The following TGFBI variants were observed in gnomAD, a reference collection of about 807,000 sequenced individuals.
TGFBI encodes transforming growth factor beta induced.
TGFBI carries 50 observed loss-of-function variants against 73.7 expected under a neutral mutation model. The observed-to-expected ratio is 0.68, with a 90% confidence interval of 0.54 to 0.86. The LOEUF (loss-of-function observed/expected upper bound fraction) is 0.86, where lower values mean the gene tolerates loss of function less well. Ranked by LOEUF, TGFBI falls within the 40% of genes least tolerant of loss-of-function variation. The pLI is 0.00. For synonymous variants in TGFBI, 362 were observed against 360.5 expected (o/e 1.00, Z -0.05); for missense variants, 839 against 877.0 (o/e 0.96, Z 0.55).
At chr5:136,041,548 G>T (rs1751339938) in intron 2 of TGFBI, among the ~76,000 whole-genome samples, 1 of 152,182 alleles carries the variant, frequency 6.6e-6, no homozygotes, top group Non-Finnish European at 1.5e-5. Context: ...ATGGAAAAAG[G>T]ATTGGACTTG....
rs1384262572 is a variant in TGFBI at position 136,047,025 on chromosome 5, C to A, written c.624+10C>A. The stretch of plus-strand genomic sequence containing the variant: ...CCACTATCCTAATGGGGTAGGGGAT[C>A]CCCAGCCATACTGCATGGCCCTTGG... On this transcript the variant is annotated intron_variant, in intron 5 of 16. Transcript: ENST00000442011. 3 of 1,610,138 alleles carry A rather than the reference C, an allele frequency of 1.9e-6. No individual in the cohort carries two copies. The highest frequency in any genetic ancestry group is 3.3e-5 in the Admixed American group (2 of 59,940).
In TGFBI at chr5:136,054,904, C is replaced by T. The variant is rs551102053; in HGVS notation, c.1410+43C>T. 70 of 1,599,424 alleles carry T rather than the reference C, an allele frequency of 4.4e-5. No individual in the cohort carries two copies. In the South Asian group the frequency reaches 7.2e-4, roughly 16 times the overall value. On this transcript the variant is annotated intron_variant, in intron 10 of 16. Transcript: ENST00000442011. ...AATCATGCTCCTGGGAAGCTCCTTACTGTGGGACTTGTATTAGTGTAAAAA... is the reference window on the plus strand; with the variant it reads ...AATCATGCTCCTGGGAAGCTCCTTATTGTGGGACTTGTATTAGTGTAAAAA...
At chr5:136,043,786 T>G (rs895239800) in intron 2 of TGFBI, among the ~76,000 whole-genome samples, 1 of 152,236 alleles carries the variant, frequency 6.6e-6, no homozygotes, top group Admixed American at 6.5e-5. Flanking sequence ...AGTCACAACA[T>G]TGACTAGGCT....
At chr5:136,043,412 G>T (rs1476630537) in intron 2 of TGFBI, among the ~76,000 whole-genome samples, 1 of 152,180 alleles carries the variant, frequency 6.6e-6, no homozygotes, top group Non-Finnish European at 1.5e-5. Context: ...AAAATAAAAA[G>T]TAAGTATCTT....
In TGFBI at chr5:136,028,998, T is replaced by C. The variant is rs1279522134; in HGVS notation, c.-58T>C. On this transcript the variant is annotated 5_prime_UTR_variant, in exon 1 of 17. Coordinates refer to ENST00000442011, the MANE Select transcript of TGFBI (RefSeq NM_000358.3). ...GGCGGCGGAGGCGCTCTCACTTCCC[T>C]GGAGCCGCCCGCTTGCCCGTCGGTC... 1 of 1,503,666 alleles carries C rather than the reference T, an allele frequency of 6.7e-7. No individual in the cohort carries two copies. Among genetic ancestry groups the C allele is most frequent in the Non-Finnish European group, 8.8e-7 (1 of 1,133,182 alleles). The allele number at this position is 1,503,666 out of a possible 1,614,324, so 93.1% of individuals were successfully genotyped here.
rs1751616695 is a variant in TGFBI, at chr5:136,055,697, C to G, written c.1428C>G (p.Asn476Lys). ...FVYRNSLCIE[N>K]SCIAAHDKRG... ...CTGTGCAGAGCCTCTGCATTGAGAA[C>G]AGCTGCATCGCGGCCCACGACAAGA... The change falls in exon 11 of 17, where the codon AAC becomes AAG. Residue 476 changes from asparagine (N) to lysine (K), a missense_variant. By Grantham distance (94) the Asn-to-Lys change is moderately conservative. Coordinates refer to ENST00000442011, the MANE Select transcript of TGFBI (RefSeq NM_000358.3). 5.0e-6 allele frequency: 8 copies of G among 1,608,052 alleles called. No homozygotes were observed. The highest frequency in any genetic ancestry group is 6.8e-6 in the Non-Finnish European group (8 of 1,175,392).
At chr5:136,051,833 A>C (rs1257124107) in intron 7 of TGFBI, among the ~76,000 whole-genome samples, 1 of 152,018 alleles carries the variant, frequency 6.6e-6, no homozygotes, top group Non-Finnish European at 1.5e-5. Context: ...AGGCCTTCTC[A>C]CCCTTTTTCT....
intron 8 of TGFBI, among the ~76,000 whole-genome samples, chr5:136,053,581 A>G (rs2126913314): frequency 6.6e-6 from 1 of 152,354 alleles, no homozygotes; most frequent in African/African-American, 2.4e-5. Context: ...ATCTCACAGG[A>G]AAAAACAAAA....
intron 2 of TGFBI, among the ~76,000 whole-genome samples, chr5:136,035,963 A>G (rs1751214052): frequency 6.6e-6 from 1 of 152,206 alleles, no homozygotes; most frequent in Non-Finnish European, 1.5e-5. Flanking sequence ...CTAGTTAACA[A>G]TAGCTCGATA....
chr5:136,045,241 T>TCA (rs1751407859), intron 3 of TGFBI, among the ~76,000 whole-genome samples: 1 of 152,114 alleles, frequency 6.6e-6, no homozygotes. Context: ...AGACCTTGTC[T>TCA]CTTAAAGATT....
At chr5:136,051,377 C>T (rs908272992) in intron 7 of TGFBI, among the ~76,000 whole-genome samples, 9 of 152,066 alleles carry the variant, frequency 5.9e-5, no homozygotes, top group South Asian at 2.1e-4. Context: ...TTGCAATAAG[C>T]CCAGATCATG....
chr5:136,057,699 G>A (rs1751672287), intron 12 of TGFBI, among the ~76,000 whole-genome samples: 1 of 152,118 alleles, frequency 6.6e-6, no homozygotes, highest in African/African-American at 2.4e-5. Context: ...GACAAACCTT[G>A]GGGCCCACAT....
At position 136,061,547 on chromosome 5, in the gene TGFBI, G is replaced by A. The variant is rs143831210; in HGVS notation, c.1954G>A (p.Glu652Lys). The change falls in exon 15 of 17, where the codon GAG (glutamate) becomes AAG (lysine). Residue 652 changes from glutamate (E) to lysine (K), a missense_variant. Transcript: ENST00000442011. ...RGDELADSALEIFKQASAFSR... is the reference protein window; with the variant it reads ...RGDELADSALKIFKQASAFSR... ...GGATGAACTTGCAGACTCTGCGCTTGAGATCTTCAAACAAGCATCAGCGTT... is the reference window on the plus strand; with the variant it reads ...GGATGAACTTGCAGACTCTGCGCTTAAGATCTTCAAACAAGCATCAGCGTT... 1 of 1,613,058 alleles carries A rather than the reference G, an allele frequency of 6.2e-7. No individual in the cohort carries two copies. The highest frequency in any genetic ancestry group is 8.5e-7 in the Non-Finnish European group (1 of 1,179,534).
At chr5:136,046,249 G>A in intron 3 of TGFBI, 86 bp from the exon 4 acceptor site, 1 of 1,523,494 alleles carries the variant, frequency 6.6e-7, no homozygotes, top group Non-Finnish European at 9.0e-7. Context: ...ACCTGTAGAT[G>A]TACCGTGCTC....
intron 1 of TGFBI, 28 bp from the exon 2 acceptor site, chr5:136,033,735 T>A: frequency 6.2e-7 from 1 of 1,601,708 alleles, no homozygotes; most frequent in African/African-American, 1.3e-5. Context: ...GCTGATCATC[T>A]TCCTAATTCT....
At chr5:136,047,235 G>A (rs369877874) in intron 5 of TGFBI, 39 bp from the exon 6 acceptor site, 11 of 1,610,470 alleles carry the variant, frequency 6.8e-6, no homozygotes, top group Non-Finnish European at 6.8e-6. Context: ...CTATGCCTCT[G>A]TTGTGTTGAC....
intron 1 of TGFBI, among the ~76,000 whole-genome samples, chr5:136,033,202 G>T (rs987269964): frequency 3.9e-5 from 6 of 152,206 alleles, no homozygotes; most frequent in African/African-American, 1.4e-4. Context: ...ACTGTCAGAG[G>T]ATGGGAAGCA....
At chr5:136,038,720 C>CAA (rs35433510) in intron 2 of TGFBI, among the ~76,000 whole-genome samples, 58,996 of 139,570 alleles carry the variant, frequency 0.42, 12,382 homozygotes, top group Non-Finnish European at 0.46. Flanking sequence ...GACTCCATCT[C>CAA]AAAAAAAAAA....
At chr5:136,033,689 C>A (rs1251060233) in intron 1 of TGFBI, 74 bp from the exon 2 acceptor site, 13 of 1,271,656 alleles carry the variant, frequency 1.0e-5, no homozygotes, top group Admixed American at 7.4e-5. Flanking sequence ...CCCAAGGAGG[C>A]AAACACGATG....
Sources: allele counts gnomAD v4.1 joint callset (sites outside exome capture counted in the v4.1 genomes callset), GRCh38; gene constraint gnomAD v4.1.1; transcripts MANE v1.5; gene names NCBI Gene and HGNC (gene_info 2026-07-23, HGNC 2026-07-21).